Variants in ADGRG6 observed in about 807,000 individuals in gnomAD.
ADGRG6 encodes G-protein coupled receptor 126.
A neutral mutation model predicts 142.4 loss-of-function variants in ADGRG6; 84 were observed. The observed-to-expected ratio is 0.59, with a 90% CI of 0.49 to 0.71. The LOEUF (loss-of-function observed/expected upper bound fraction) is 0.71. Among genes scored for constraint, ADGRG6 ranks in the 30% least tolerant of loss-of-function variants. The pLI is 0.00. For missense variants in ADGRG6, 1,367 were observed against 1,466.6 expected (o/e 0.93, Z 1.11); for synonymous variants, 521 against 520.5 (o/e 1.00, Z -0.01).
Position 142,393,044 on chromosome 6 carries a change from A to C in ADGRG6, c.1361+44A>C, listed in dbSNP as rs759015169. On this transcript the variant is annotated intron_variant, in intron 8 of 24. Coordinates refer to ENST00000367609, the MANE Select transcript of ADGRG6 (RefSeq NM_198569.3). ...TTTGATAAATTAAAAGTAGTGTCTA[A>C]TTTAATGCTACTATTTGTCTCTCTG... The C allele has an allele frequency of 4.9e-6, 5 of 1,024,878 alleles. No individual in the cohort carries two copies. In the South Asian group the frequency reaches 6.6e-5, roughly 14 times the overall value. The allele number at this position is 1,024,878 out of a possible 1,614,324, so 63.5% of individuals were successfully genotyped here.
At chr6:142,429,192 T>G (rs548713540) in intron 22 of ADGRG6, among the ~76,000 whole-genome samples, 1 of 152,314 alleles carries the variant, frequency 6.6e-6, no homozygotes, top group South Asian at 2.1e-4. Context: ...AAATGCGTAT[T>G]ATTATTATAG....
At chr6:142,307,525 G>A (rs567508106) in intron 1 of ADGRG6, among the ~76,000 whole-genome samples, 6 of 151,904 alleles carry the variant, frequency 3.9e-5, no homozygotes, top group Non-Finnish European at 7.4e-5. Flanking sequence ...GTCACCTACC[G>A]TTTTAAAAGC....
intron 11 of ADGRG6, 35 bp from the exon 12 acceptor site, chr6:142,401,959 T>C: frequency 1.0e-6 from 1 of 958,438 alleles, no homozygotes; most frequent in East Asian, 2.6e-5. Flanking sequence ...ATACCAGTTA[T>C]ATCAAATATT....
chr6:142,397,821 A>G, intron 10 of ADGRG6, 66 bp downstream of exon 10: 3 of 1,051,794 alleles, frequency 2.9e-6, no homozygotes, highest in Non-Finnish European at 3.9e-6. Context: ...ACTTGAAACA[A>G]CAGCAGAAAT....
chr6:142,378,331 C>T (rs1408984654), intron 4 of ADGRG6, among the ~76,000 whole-genome samples: 1 of 152,192 alleles, frequency 6.6e-6, no homozygotes, highest in Non-Finnish European at 1.5e-5. Flanking sequence ...AAGCCCTTGA[C>T]TGCCAACATT....
chr6:142,348,915 T>A (rs987134398), intron 2 of ADGRG6, among the ~76,000 whole-genome samples: 4 of 152,170 alleles, frequency 2.6e-5, no homozygotes, highest in African/African-American at 9.6e-5. Context: ...AATACAAACT[T>A]TTTTTTCTTG....
chr6:142,315,444 G>T (rs1777998459), intron 2 of ADGRG6, among the ~76,000 whole-genome samples: 1 of 151,922 alleles, frequency 6.6e-6, no homozygotes, highest in African/African-American at 2.4e-5. Flanking sequence ...TACTTTATAG[G>T]GTGGGGTAGT....
chr6:142,330,785 C>T (rs890883556), intron 2 of ADGRG6, among the ~76,000 whole-genome samples: 11 of 152,156 alleles, frequency 7.2e-5, no homozygotes, highest in African/African-American at 2.6e-4. Context: ...TTACAACTTA[C>T]TCTTTCCATT....
chr6:142,368,057 C>A, intron 3 of ADGRG6, 147 bp downstream of exon 3: 1 of 604,656 alleles, frequency 1.7e-6, no homozygotes, highest in South Asian at 2.1e-5. Flanking sequence ...TGTTAATATT[C>A]TCTGAGCATT....
At chr6:142,382,991 G>A (rs960903820) in intron 5 of ADGRG6, among the ~76,000 whole-genome samples, 3 of 147,274 alleles carry the variant, frequency 2.0e-5, no homozygotes, top group Non-Finnish European at 4.5e-5. Context: ...TGAAAATTAA[G>A]TCATCAAGTA....
intron 4 of ADGRG6, among the ~76,000 whole-genome samples, chr6:142,381,166 A>T (rs1312843890): frequency 6.6e-6 from 1 of 152,230 alleles, no homozygotes; most frequent in Middle Eastern, 3.2e-3. Context: ...TCCCACAGGA[A>T]AGTTTTGAAA....
chr6:142,317,009 G>A (rs531949437), intron 2 of ADGRG6, among the ~76,000 whole-genome samples: 3 of 152,112 alleles, frequency 2.0e-5, no homozygotes, highest in Admixed American at 2.0e-4. Context: ...TTACTTGTAG[G>A]CAGCTCAAGA....
At position 142,438,341 on chromosome 6, in the gene ADGRG6, A is replaced by C; in HGVS notation, c.3551A>C (p.Tyr1184Ser). 6.2e-7 allele frequency: 1 copy of C among 1,608,838 alleles called. No individual in the cohort carries two copies. Among genetic ancestry groups the C allele is most frequent in the East Asian group, 2.2e-5 (1 of 44,620 alleles). ...AAATCTAAATCCAGCTCTACCACCT[A>C]TTTCAAAAGGAATAGCCACACAGGT... is the stretch of plus-strand genomic sequence containing the variant. ...TSKSKSSSTT[Y>S]FKRNSHTDSA... The change falls in exon 24 of 25, where the codon TAT (tyrosine) becomes TCT (serine). Residue 1184 changes from tyrosine to serine, a missense_variant. Transcript: ENST00000367609.
chr6:142,413,520 C>A lies in ADGRG6; in HGVS notation c.2542-1449C>A, dbSNP rs1403284903. ...AATCTGTAAACAAATCTGTAAGCAG[C>A]CTTATTTAATTTCTATTTGAAATTC... On this transcript the variant is annotated intron_variant, in intron 18 of 24. Transcript: ENST00000367609. 2.6e-5 allele frequency among the ~76,000 whole-genome samples: 4 copies of A among 152,162 alleles called. No individual in the cohort carries two copies. The East Asian group carries it at 5.8e-4, about 22-fold the overall frequency.
chr6:142,318,936 A>G (rs1176502688), intron 2 of ADGRG6, among the ~76,000 whole-genome samples: 1 of 152,068 alleles, frequency 6.6e-6, no homozygotes, highest in African/African-American at 2.4e-5. Context: ...GGAGATAGAT[A>G]TGTCCCCACT....
intron 4 of ADGRG6, among the ~76,000 whole-genome samples, chr6:142,373,603 A>G (rs1781356497): frequency 6.6e-6 from 1 of 152,226 alleles, no homozygotes; most frequent in African/African-American, 2.4e-5. Context: ...TAGTGGTGCC[A>G]TCAGAGATCG....
chr6:142,420,065 C>G lies in ADGRG6; in HGVS notation c.3280C>G (p.Pro1094Ala), dbSNP rs776672043. ...AFFAWGPLNIPFMYLFSIFNS... is the reference protein window; with the variant it reads ...AFFAWGPLNIAFMYLFSIFNS... ...CTTTGCCTGGGGACCCTTAAATATC[C>G]CCTTCATGTACCTCTTCTCCATCTT... is the stretch of plus-strand genomic sequence containing the variant. Residue 1094 changes from proline to alanine, a missense_variant, in exon 22 of 25, where the codon CCC becomes GCC. Pro to Ala is a conservative substitution (Grantham distance 27). Coordinates refer to ENST00000367609, the MANE Select transcript of ADGRG6 (RefSeq NM_198569.3). The G allele has an allele frequency of 6.2e-7, 1 of 1,612,702 alleles. No individual in the cohort carries two copies. Among genetic ancestry groups the G allele is most frequent in the South Asian group, 1.1e-5 (1 of 91,046 alleles).
In ADGRG6 at chr6:142,402,579, C is replaced by T. The variant is rs752340007; in HGVS notation, c.1745-41C>T. 6.1e-6 allele frequency: 6 copies of T among 986,514 alleles called. No individual in the cohort carries two copies. In the South Asian group the frequency reaches 8.7e-5, roughly 14 times the overall value. 61.1% of individuals were successfully genotyped at this position (986,514 alleles called of 1,614,324 possible). On this transcript the variant is annotated intron_variant, in intron 12 of 24. Transcript: ENST00000367609. ...GATTCCTGGAAATGCTCTAAATATT[C>T]AGGTAAAACTTAGTGTTGTTTTCTT...
intron 19 of ADGRG6, among the ~76,000 whole-genome samples, chr6:142,415,319 T>C (rs1267447955): frequency 6.6e-6 from 1 of 152,196 alleles, no homozygotes; most frequent in African/African-American, 2.4e-5. Flanking sequence ...CTGTTAGAAA[T>C]GATTAACATT....
Sources: gnomAD v4.1 joint callset for allele counts (sites outside exome capture counted in the v4.1 genomes callset) on GRCh38, gnomAD v4.1.1 for gene constraint, MANE v1.5 for transcripts, NCBI Gene and HGNC (gene_info 2026-07-23, HGNC 2026-07-21) for gene names.